FRMD5: variants seen among roughly 807,000 people sequenced by gnomAD.
The protein encoded by FRMD5 is FERM domain-containing protein 5.
Under a neutral mutation model 69.0 loss-of-function variants are expected in FRMD5, and 20 were observed. The ratio of observed to expected loss-of-function variants is 0.29; its 90% CI spans 0.20 to 0.42. The LOEUF is 0.42. Among genes scored for constraint, FRMD5 ranks in the 10% least tolerant of loss-of-function variants. FRMD5 has a pLI of 1.00. For synonymous variants in FRMD5, 271 were observed against 260.1 expected (o/e 1.04, Z -0.40); for missense variants, 595 against 708.6 (o/e 0.84, Z 1.82).
intron 1 of FRMD5, among the ~76,000 whole-genome samples, chr15:44,148,477 T>A (rs2077391815): frequency 3.3e-5 from 5 of 152,290 alleles, no homozygotes; most frequent in Admixed American, 3.3e-4. Context: ...TTCACCGTGT[T>A]AGCCAGGATG....
chr15:43,943,611 C>G (rs1460976587), intron 1 of FRMD5, among the ~76,000 whole-genome samples: 1 of 152,082 alleles, frequency 6.6e-6, no homozygotes, highest in Non-Finnish European at 1.5e-5. Context: ...GTTATTGGTT[C>G]CTTATAAGAA....
chr15:43,971,744 T>C (rs1176164587), intron 1 of FRMD5, among the ~76,000 whole-genome samples: 1 of 151,870 alleles, frequency 6.6e-6, no homozygotes, highest in Non-Finnish European at 1.5e-5. Flanking sequence ...TTCACTCTTG[T>C]TGCCCAGGCT....
At position 43,892,078 on chromosome 15, in the gene FRMD5, CAG is replaced by C; in HGVS notation, c.640-11_640-10del. The C allele has an allele frequency of 1.2e-6, 2 of 1,613,252 alleles. No homozygotes were observed. The highest frequency in any genetic ancestry group is 1.7e-6 in the Non-Finnish European group (2 of 1,179,310). ...GCATTTCCTGACACGTCCTGCAACA[CAG>C]AAAGACTTCTCATCGGGTGATGCAG... On this transcript the variant is annotated splice_polypyrimidine_tract_variant and intron_variant, in intron 7 of 13. Coordinates refer to ENST00000417257, the MANE Select transcript of FRMD5 (RefSeq NM_032892.5).
At chr15:43,910,673 C>T (rs1310278950) in intron 4 of FRMD5, among the ~76,000 whole-genome samples, 1 of 147,104 alleles carries the variant, frequency 6.8e-6, no homozygotes, top group African/African-American at 2.5e-5. Flanking sequence ...TCTTTAAATA[C>T]AGAAAGCTGT....
intron 1 of FRMD5, among the ~76,000 whole-genome samples, chr15:43,963,368 T>C (rs2090236648): frequency 1.3e-5 from 2 of 152,158 alleles, no homozygotes; most frequent in Admixed American, 6.6e-5. Flanking sequence ...TACCATCTCA[T>C]GCCAGTTAGA....
chr15:44,042,999 C>T (rs959597045), intron 1 of FRMD5, among the ~76,000 whole-genome samples: 4 of 152,170 alleles, frequency 2.6e-5, no homozygotes, highest in African/African-American at 9.7e-5. Context: ...TCCCTATTTG[C>T]AGATGACATG....
intron 1 of FRMD5, among the ~76,000 whole-genome samples, chr15:44,156,626 A>C (rs1049727245): frequency 6.6e-6 from 1 of 152,158 alleles, no homozygotes; most frequent in African/African-American, 2.4e-5. Flanking sequence ...ATGATCTAAG[A>C]AAGTTGAGGA....
chr15:43,951,930 C>A (rs1320649385), intron 1 of FRMD5, among the ~76,000 whole-genome samples: 1 of 151,562 alleles, frequency 6.6e-6, no homozygotes, highest in Non-Finnish European at 1.5e-5. Context: ...GCTAAGGGGA[C>A]ACATTTTTTT....
intron 1 of FRMD5, among the ~76,000 whole-genome samples, chr15:43,963,693 T>G (rs2090243562): frequency 6.6e-6 from 1 of 152,178 alleles, no homozygotes; most frequent in South Asian, 2.1e-4. Flanking sequence ...TTAAGAACAT[T>G]TGGCACATAT....
chr15:43,971,799 C>T (rs776333691), intron 1 of FRMD5, among the ~76,000 whole-genome samples: 4 of 150,272 alleles, frequency 2.7e-5, no homozygotes, highest in East Asian at 2.0e-4. Context: ...CTCCATCTCC[C>T]GGGTTCAAGC....
At position 44,195,197 on chromosome 15, in the gene FRMD5, C is replaced by G. The variant is rs1274553189; in HGVS notation, c.-143G>C. 1.7e-5 allele frequency: 10 copies of G among 594,640 alleles called. No homozygotes were observed. Among genetic ancestry groups the G allele is most frequent in the Non-Finnish European group, 2.3e-5 (8 of 350,182 alleles). 36.8% of individuals were successfully genotyped at this position (594,640 alleles called of 1,614,324 possible). A position where few individuals can be genotyped will look rare whatever the true frequency, so the allele number is the denominator to read the frequency against. ...CGCTGCCGTTGCCTCCTGCTGGCCT[C>G]GTTCCTCCTCCTTATCCTCCTCCTT... On this transcript the variant is annotated 5_prime_UTR_variant, in exon 1 of 14. Coordinates refer to ENST00000417257, the MANE Select transcript of FRMD5 (RefSeq NM_032892.5).
At position 43,978,252 on chromosome 15, in the gene FRMD5, G is replaced by A. The variant is rs77423541; in HGVS notation, c.103-53943C>T. Among the ~76,000 whole-genome samples, 350 of 152,220 alleles carry A rather than the reference G, an allele frequency of 2.3e-3. 7 individuals are homozygous for A. In the East Asian group the frequency reaches 0.059, roughly 26 times the overall value. On this transcript the variant is annotated intron_variant, in intron 1 of 13. Coordinates refer to ENST00000417257, the MANE Select transcript of FRMD5 (RefSeq NM_032892.5). The stretch of plus-strand genomic sequence containing the variant: ...TTAGTCATTAGCAAAATACAAATGA[G>A]ATACCACCACAAATACATACCATTA...
At chr15:44,187,991 C>A (rs2706477) in intron 1 of FRMD5, among the ~76,000 whole-genome samples, 16,514 of 152,118 alleles carry the variant, frequency 0.11, 2,042 homozygotes, top group African/African-American at 0.31. Context: ...CACAACATAT[C>A]CCCTTGTCTT....
rs2089064715 is a variant in FRMD5 at position 43,902,273 on chromosome 15, G to C, written c.552-11C>G. 9.3e-6 allele frequency: 15 copies of C among 1,607,320 alleles called. No homozygotes were observed. In the East Asian group the frequency reaches 3.3e-4, roughly 36 times the overall value. ...GCTGGTGTTTGACCACTGGAATAAA[G>C]AAGATGAGATGATTTCAAGGTGTCT... On this transcript the variant is annotated splice_polypyrimidine_tract_variant and intron_variant, in intron 6 of 13. Coordinates refer to ENST00000417257, the MANE Select transcript of FRMD5 (RefSeq NM_032892.5).
At chr15:44,076,793 A>G (rs185337593) in intron 1 of FRMD5, among the ~76,000 whole-genome samples, 116 of 152,144 alleles carry the variant, frequency 7.6e-4, no homozygotes, top group South Asian at 3.7e-3. Context: ...GAAAAGAAAA[A>G]AAAAAAGCTC....
chr15:43,989,404 A>G lies in FRMD5; in HGVS notation c.103-65095T>C, dbSNP rs1333888007. On this transcript the variant is annotated intron_variant, in intron 1 of 13. Coordinates refer to ENST00000417257, the MANE Select transcript of FRMD5 (RefSeq NM_032892.5). ...CATGCCCAGGAAGGAAGGCTGGAAGAGCGCCTCAGGGCAGCAGAACTGCTT... is the reference window on the plus strand; with the variant it reads ...CATGCCCAGGAAGGAAGGCTGGAAGGGCGCCTCAGGGCAGCAGAACTGCTT... 10 of 784,958 alleles carry G rather than the reference A, an allele frequency of 1.3e-5. No homozygotes were observed. In the African/African-American group the frequency reaches 1.7e-4, roughly 13 times the overall value. 48.6% of individuals were successfully genotyped at this position (784,958 alleles called of 1,614,324 possible).
Position 43,898,508 on chromosome 15 carries a change from A to G in FRMD5, c.639+3667T>C, listed in dbSNP as rs116176611. 3.5e-3 allele frequency among the ~76,000 whole-genome samples: 538 copies of G among 152,368 alleles called. 2 individuals carry two copies. Among genetic ancestry groups the G allele is most frequent in the African/African-American group, 0.012 (510 of 41,590 alleles). On this transcript the variant is annotated intron_variant, in intron 7 of 13. Coordinates refer to ENST00000417257, the MANE Select transcript of FRMD5 (RefSeq NM_032892.5). ...GGTATCTTCAAGACTCTTAACAACA[A>G]GGCTGGGCATCTGTAACAGGCCTCA...
At chr15:44,068,042 T>C (rs1421494148) in intron 1 of FRMD5, among the ~76,000 whole-genome samples, 2 of 152,164 alleles carry the variant, frequency 1.3e-5, no homozygotes, top group Non-Finnish European at 2.9e-5. Context: ...ATTCCTTACC[T>C]ACCAGGATGG....
chr15:44,070,434 A>G (rs556925218), intron 1 of FRMD5, among the ~76,000 whole-genome samples: 1 of 152,328 alleles, frequency 6.6e-6, no homozygotes, highest in African/African-American at 2.4e-5. Context: ...TTAAAGAACA[A>G]ATCACAAAAG....
Sources: gnomAD v4.1 joint callset for allele counts (sites outside exome capture counted in the v4.1 genomes callset) on GRCh38, gnomAD v4.1.1 for gene constraint, MANE v1.5 for transcripts, NCBI Gene and HGNC (gene_info 2026-07-23, HGNC 2026-07-21) for gene names.